The following CCDC187 variants were observed in gnomAD, a reference collection of about 807,000 sequenced individuals.
CCDC187 encodes coiled-coil domain containing 187.
A neutral mutation model predicts 38.0 loss-of-function variants in CCDC187; 32 were observed. The ratio of observed to expected loss-of-function variants is 0.84; its 90% CI spans 0.64 to 1.13. The LOEUF is 1.13. Ranked by LOEUF, CCDC187 falls within the 50% of genes most tolerant of loss-of-function variation. The probability of loss-of-function intolerance (pLI) is 0.00; values close to 1 mark genes in which losing one functional copy is unlikely to be tolerated. For synonymous variants in CCDC187, 333 were observed against 347.9 expected, an observed-to-expected ratio of 0.96 and a Z score of 0.48; for missense variants, 707 against 786.8, an observed-to-expected ratio of 0.90 and a Z score of 1.21.
intron 4 of CCDC187, among the ~76,000 whole-genome samples, chr9:136,297,278 G>A (rs1029665452): frequency 1.3e-4 from 19 of 150,906 alleles, no homozygotes; most frequent in African/African-American, 3.7e-4. Flanking sequence ...TACGGGTGCC[G>A]TGAGCTGCGG....
chr9:136,260,315 C>T (rs1301177920), intron 19 of CCDC187, 51 bp from the exon 20 acceptor site: 4 of 984,902 alleles, frequency 4.1e-6, no homozygotes, highest in Non-Finnish European at 4.8e-6. Context: ...TGCCCCTTCC[C>T]AGGTGTCCAG....
At chr9:136,292,733 C>T (rs1031256095) in intron 4 of CCDC187, among the ~76,000 whole-genome samples, 2 of 152,208 alleles carry the variant, frequency 1.3e-5, no homozygotes, top group East Asian at 1.9e-4. Flanking sequence ...CATCGGGCTC[C>T]GCGCAGCACG....
rs1554759311 is a variant in CCDC187, at chr9:136,251,035, G to A, written c.*2559C>T. On this transcript the variant is annotated 3_prime_UTR_variant, in exon 26 of 26. Coordinates refer to ENST00000638797, the MANE Select transcript of CCDC187 (RefSeq NM_001378188.1). Reference sequence around the variant, plus strand: ...GCCAGCTTTGTGATGCCTCCCACCAGACTGCATGCATAAAGTCTGGAGTAT... The same window carrying A: ...GCCAGCTTTGTGATGCCTCCCACCAAACTGCATGCATAAAGTCTGGAGTAT... 1 of 456,250 alleles carries A rather than the reference G, an allele frequency of 2.2e-6. No individual in the cohort carries two copies. The highest frequency in any genetic ancestry group is 1.5e-5 in the South Asian group (1 of 64,578). 28.3% of individuals were successfully genotyped at this position (456,250 alleles called of 1,614,324 possible). A position where few individuals can be genotyped will look rare whatever the true frequency, so the allele number is the denominator to read the frequency against.
chr9:136,293,190 T>C (rs1418803454), intron 4 of CCDC187, among the ~76,000 whole-genome samples: 1 of 103,102 alleles, frequency 9.7e-6, no homozygotes, highest in Non-Finnish European at 2.0e-5. Context: ...CACACTCACA[T>C]GCTCACACAC....
intron 7 of CCDC187, among the ~76,000 whole-genome samples, chr9:136,288,892 G>A (rs1047164277): frequency 3.9e-5 from 6 of 152,240 alleles, no homozygotes; most frequent in Non-Finnish European, 5.9e-5. Flanking sequence ...GCAAGTTCCC[G>A]AGAAAGCTGC....
At position 136,290,833 on chromosome 9, in the gene CCDC187, C is replaced by CG; in HGVS notation, c.1779dup (p.Val594ArgfsTer44). 1 of 398,558 alleles carries CG rather than the reference C, an allele frequency of 2.5e-6. No individual in the cohort carries two copies. Among genetic ancestry groups the CG allele is most frequent in the South Asian group, 1.3e-4 (1 of 7,866 alleles). 24.7% of individuals were successfully genotyped at this position (398,558 alleles called of 1,614,324 possible). A position where few individuals can be genotyped will look rare whatever the true frequency, so the allele number is the denominator to read the frequency against. On this transcript the variant is annotated frameshift_variant, in exon 6 of 26. Transcript: ENST00000638797. LOFTEE classifies it high-confidence loss of function. ...GGCAGGGCATGCTTGGCAGCCGAGA[C>CG]GGGGGAGCCGATGCCTCTGCCCTTG...
rs2131279828 is a variant in CCDC187 at position 136,286,068 on chromosome 9, C to CCCGGGTG, written c.2833+10_2833+16dup. On this transcript the variant is annotated intron_variant, in intron 8 of 25. Transcript: ENST00000638797. ...CCTGGCCACCCAGCGGTCACCGTGT[C>CCCGGGTG]CCGGGTGCCGGCCTACCTCGGGGCT... 2 of 398,396 alleles carry CCCGGGTG rather than the reference C, an allele frequency of 5.0e-6. No homozygotes were observed. The highest frequency in any genetic ancestry group is 7.1e-5 in the East Asian group (2 of 28,074). The allele number at this position is 398,396 out of a possible 1,614,324, so 24.7% of individuals were successfully genotyped here.
chr9:136,298,393 C>T (rs1293912546), intron 3 of CCDC187, among the ~76,000 whole-genome samples: 3 of 152,128 alleles, frequency 2.0e-5, no homozygotes, highest in Non-Finnish European at 2.9e-5. Context: ...CCCGAGGGGG[C>T]GGAGTTTGTT....
At chr9:136,273,574 C>G (rs528940010) in intron 14 of CCDC187, among the ~76,000 whole-genome samples, 8 of 152,322 alleles carry the variant, frequency 5.3e-5, no homozygotes, top group Non-Finnish European at 8.8e-5. Context: ...CGTGATATTT[C>G]AATTCCAGTC....
intron 7 of CCDC187, among the ~76,000 whole-genome samples, chr9:136,289,065 C>T (rs1831248094): frequency 6.6e-6 from 1 of 152,220 alleles, no homozygotes; most frequent in African/African-American, 2.4e-5. Flanking sequence ...CTGCCCACAG[C>T]CGGGCATTAT....
chr9:136,284,861 C>T (rs1468639205), intron 9 of CCDC187, among the ~76,000 whole-genome samples: 2 of 152,136 alleles, frequency 1.3e-5, no homozygotes, highest in Admixed American at 1.3e-4. Flanking sequence ...ACCTCTGTCA[C>T]GAGCATCTAA....
chr9:136,252,776 C>T lies in CCDC187; in HGVS notation c.*818G>A, dbSNP rs1554759727. 6.6e-6 allele frequency: 1 copy of T among 152,344 alleles called. No individual in the cohort carries two copies. Among genetic ancestry groups the T allele is most frequent in the Non-Finnish European group, 1.5e-5 (1 of 68,138 alleles). 9.4% of individuals were successfully genotyped at this position (152,344 alleles called of 1,614,324 possible). On this transcript the variant is annotated 3_prime_UTR_variant, in exon 26 of 26. Transcript: ENST00000638797. ...GTCACGCAGGACCCTCCTGGTGAGC[C>T]ACGTGGAGACCAAGTCCACTGCCTG...
rs182009760 is a variant in CCDC187, at chr9:136,266,236, C to T, written c.3648-193G>A. ...GGGTGGCCAGATGGCCCAACCCGGG[C>T]TGTCACTCTTCCACCCCTCACAGCC... is the stretch of plus-strand genomic sequence containing the variant. On this transcript the variant is annotated intron_variant, in intron 16 of 25. Transcript: ENST00000638797. 407 of 162,768 alleles carry T rather than the reference C, an allele frequency of 2.5e-3. 2 individuals carry two copies. Among genetic ancestry groups the T allele is most frequent in the African/African-American group, 9.2e-3 (383 of 41,718 alleles). The allele number at this position is 162,768 out of a possible 1,614,324, so 10.1% of individuals were successfully genotyped here. A position where few individuals can be genotyped will look rare whatever the true frequency, so the allele number is the denominator to read the frequency against.
intron 9 of CCDC187, among the ~76,000 whole-genome samples, chr9:136,283,492 C>T (rs954881682): frequency 9.2e-5 from 14 of 152,380 alleles, no homozygotes; most frequent in South Asian, 6.2e-4. Context: ...AGCCTCTGAG[C>T]CTCTCCCTAA....
At chr9:136,277,537 C>T (rs1190030096) in intron 10 of CCDC187, among the ~76,000 whole-genome samples, 2 of 151,440 alleles carry the variant, frequency 1.3e-5, no homozygotes, top group African/African-American at 2.4e-5. Context: ...TGGGTGGGTG[C>T]TGATGTAAGC....
intron 4 of CCDC187, among the ~76,000 whole-genome samples, chr9:136,297,372 T>C (rs1449599870): frequency 6.6e-6 from 1 of 152,124 alleles, no homozygotes; most frequent in Non-Finnish European, 1.5e-5. Context: ...ACAGTGTGGT[T>C]GAACAGCTCT....
rs2131152868 is a variant in CCDC187 at position 136,264,347 on chromosome 9, T to C, written c.3736-549A>G. The C allele has an allele frequency of 6.6e-6, 1 of 152,418 alleles. No individual in the cohort carries two copies. Among genetic ancestry groups the C allele is most frequent in the Middle Eastern group, 3.4e-3 (1 of 294 alleles). The allele number at this position is 152,418 out of a possible 1,614,324, so 9.4% of individuals were successfully genotyped here. On this transcript the variant is annotated intron_variant, in intron 17 of 25. Transcript: ENST00000638797. The surrounding 1 kb of genome is among the most constrained non-coding windows in gnomAD (Gnocchi z 4.3). ...CCCCACCTCCACCACGGCATCTCTA[T>C]CTGCGACACGCAGCCTGGCTGTGGC... is the stretch of plus-strand genomic sequence containing the variant.
chr9:136,267,303 GGGGCGGGGCTACAGCA>G (rs782059723), intron 16 of CCDC187, 65 bp downstream of exon 16: 14,613 of 936,154 alleles, frequency 0.016, 224 homozygotes, highest in African/African-American at 0.055. Context: ...GGGCAGGGAG[GGGGCGGGGCTACAGCA>G]GGGCGGGGCT....
intron 14 of CCDC187, among the ~76,000 whole-genome samples, chr9:136,271,527 T>G (rs2131192039): frequency 6.9e-6 from 1 of 145,186 alleles, no homozygotes; most frequent in Non-Finnish European, 1.5e-5. Context: ...TCTCAAAAAA[T>G]AAAAATTAAA....
Sources: gnomAD v4.1 joint callset for allele counts (sites outside exome capture counted in the v4.1 genomes callset) on GRCh38, gnomAD v4.1.1 for gene constraint, Gnocchi (gnomAD v3.1) non-coding constraint, MANE v1.5 for transcripts, NCBI Gene and HGNC (gene_info 2026-07-23, HGNC 2026-07-21) for gene names.